DOCK3: variants seen among roughly 807,000 people sequenced by gnomAD.
DOCK3 encodes dedicator of cytokinesis 3.
A neutral mutation model predicts 265.6 loss-of-function variants in DOCK3; 60 were observed. That is an observed-to-expected ratio of 0.23 (90% confidence interval 0.18 to 0.28). The LOEUF (loss-of-function observed/expected upper bound fraction) is 0.28. DOCK3 is among the 10% of genes least tolerant of loss of function. DOCK3 has a pLI of 1.00. For synonymous variants in DOCK3, 881 were observed against 938.0 expected (o/e 0.94, Z 1.11); for missense variants, 1,981 against 2,594.3 (o/e 0.76, Z 5.14).
At chr3:51,332,166 C>T (rs554771883) in intron 33 of DOCK3, among the ~76,000 whole-genome samples, 1 of 152,186 alleles carries the variant, frequency 6.6e-6, no homozygotes, top group Non-Finnish European at 1.5e-5. Context: ...CCCCAGGTGA[C>T]TCTCATGACC....
chr3:51,010,796 C>T (rs1449808606), intron 5 of DOCK3, among the ~76,000 whole-genome samples: 1 of 152,120 alleles, frequency 6.6e-6, no homozygotes, highest in Non-Finnish European at 1.5e-5. Context: ...CCATCAGGAG[C>T]TCTTGTAGGG....
rs368190004 is a variant in DOCK3, at chr3:50,744,627, G to A, written c.38-34048G>A. 2.0e-5 allele frequency among the ~76,000 whole-genome samples: 3 copies of A among 152,058 alleles called. No homozygotes were observed. In the East Asian group the frequency reaches 5.8e-4, roughly 29 times the overall value. On this transcript the variant is annotated intron_variant, in intron 1 of 52. Coordinates refer to ENST00000266037, the MANE Select transcript of DOCK3 (RefSeq NM_004947.5). ...TTTTTGTGTTTTTTGTAGAAACAGG[G>A]TTTTGGCACGTCACCCAGGCTGGTC...
At chr3:50,912,437 C>G (rs1575513109) in intron 4 of DOCK3, among the ~76,000 whole-genome samples, 1 of 152,222 alleles carries the variant, frequency 6.6e-6, no homozygotes, top group East Asian at 1.9e-4. Flanking sequence ...TATAACCACT[C>G]CCTGGCTACT....
intron 1 of DOCK3, among the ~76,000 whole-genome samples, chr3:50,746,983 C>T (rs990786785): frequency 5.6e-5 from 8 of 143,242 alleles, no homozygotes; most frequent in Non-Finnish European, 4.5e-5. Context: ...CTTTTTAATA[C>T]GGTACAAGGT....
intron 5 of DOCK3, among the ~76,000 whole-genome samples, chr3:50,957,928 T>C (rs2076772851): frequency 6.6e-6 from 1 of 152,226 alleles, no homozygotes; most frequent in African/African-American, 2.4e-5. Flanking sequence ...TCTATTTTTT[T>C]CTGTTTGAAA....
chr3:51,248,618 G>A (rs6792432), intron 22 of DOCK3, among the ~76,000 whole-genome samples: 123,365 of 150,494 alleles, frequency 0.82, 51,116 homozygotes, highest in Middle Eastern at 0.9. Context: ...CCGCCACCCC[G>A]TCTGGGCAGT....
chr3:51,202,203 C>G (rs1481926653), intron 12 of DOCK3, among the ~76,000 whole-genome samples: 1 of 130,530 alleles, frequency 7.7e-6, no homozygotes, highest in African/African-American at 3.0e-5. Context: ...CACAAAAAAC[C>G]CTTCAAAAAA....
At chr3:50,717,488 T>C in intron 1 of DOCK3, among the ~76,000 whole-genome samples, 1 of 152,228 alleles carries the variant, frequency 6.6e-6, no homozygotes, top group East Asian at 1.9e-4. Flanking sequence ...TGTGTGTATA[T>C]ATACCTTACT....
chr3:51,309,538 A>T (rs1392235744), intron 27 of DOCK3, among the ~76,000 whole-genome samples: 1 of 152,206 alleles, frequency 6.6e-6, no homozygotes, highest in South Asian at 2.1e-4. Flanking sequence ...GCAGCAGTAC[A>T]GTCCAGCTTC....
At chr3:51,195,811 A>G (rs962691478) in intron 12 of DOCK3, among the ~76,000 whole-genome samples, 3 of 152,212 alleles carry the variant, frequency 2.0e-5, no homozygotes, top group African/African-American at 7.2e-5. Flanking sequence ...TCCAGGGGCA[A>G]TGAATCCCCT....
At chr3:51,101,230 C>T (rs1259695230) in intron 9 of DOCK3, among the ~76,000 whole-genome samples, 5 of 150,818 alleles carry the variant, frequency 3.3e-5, no homozygotes, top group Non-Finnish European at 5.9e-5. Flanking sequence ...ACGCCATTCT[C>T]CTGCCTCAGC....
At chr3:51,021,661 C>CTTTTTTTTTTTTTTTT in intron 5 of DOCK3, among the ~76,000 whole-genome samples, 1 of 142,818 alleles carries the variant, frequency 7.0e-6, no homozygotes, top group Non-Finnish European at 1.5e-5. Flanking sequence ...GGAGAACTTC[C>CTTTTTTTTTTTTTTTT]TTTTTTTTTT....
In DOCK3 at chr3:51,333,278, C is replaced by A; in HGVS notation, c.3611+25C>A. 2.5e-6 allele frequency: 4 copies of A among 1,605,434 alleles called. No individual in the cohort carries two copies. In the South Asian group the frequency reaches 4.4e-5, roughly 18 times the overall value. On this transcript the variant is annotated intron_variant, in intron 35 of 52. Transcript: ENST00000266037. The stretch of plus-strand genomic sequence containing the variant: ...GGTATCTTCTCAGCCACCCGCTCCC[C>A]TCTTCCCTTGTCAGGATACTCTCTC...
intron 9 of DOCK3, among the ~76,000 whole-genome samples, chr3:51,100,598 C>T (rs758761339): frequency 6.6e-6 from 1 of 152,102 alleles, no homozygotes; most frequent in Non-Finnish European, 1.5e-5. Flanking sequence ...TTTGACCCAC[C>T]ACAGGAGAAA....
intron 5 of DOCK3, among the ~76,000 whole-genome samples, chr3:50,972,230 C>T (rs538753254): frequency 2.0e-5 from 3 of 152,342 alleles, no homozygotes; most frequent in African/African-American, 7.2e-5. Flanking sequence ...GATGGGCACA[C>T]CACCAGTGGG....
chr3:51,112,846 G>A (rs1293999867), intron 9 of DOCK3, among the ~76,000 whole-genome samples: 1 of 152,160 alleles, frequency 6.6e-6, no homozygotes, highest in South Asian at 2.1e-4. Context: ...TGATTTCAAT[G>A]TGTAGGAAAG....
intron 4 of DOCK3, among the ~76,000 whole-genome samples, chr3:50,930,408 A>T (rs1284232899): frequency 2.0e-5 from 3 of 152,072 alleles, no homozygotes; most frequent in Non-Finnish European, 4.4e-5. Context: ...CTCCCTGCCC[A>T]CAAGAGCCCA....
intron 4 of DOCK3, among the ~76,000 whole-genome samples, chr3:50,897,450 C>T (rs1167628938): frequency 6.6e-6 from 1 of 152,080 alleles, no homozygotes; most frequent in African/African-American, 2.4e-5. Flanking sequence ...GATTTTCTCT[C>T]TTCCTATTTG....
At chr3:51,380,944 A>T in intron 52 of DOCK3, 106 bp from the exon 53 acceptor site, 2 of 1,371,282 alleles carry the variant, frequency 1.5e-6, no homozygotes, top group African/African-American at 1.4e-5. Context: ...CATGCTGTTG[A>T]TGAGGGTTAA....
Sources: gnomAD v4.1 joint callset for allele counts (sites outside exome capture counted in the v4.1 genomes callset) on GRCh38, gnomAD v4.1.1 for gene constraint, MANE v1.5 for transcripts, NCBI Gene and HGNC (gene_info 2026-07-23, HGNC 2026-07-21) for gene names.